THSD4: variants seen among roughly 807,000 people sequenced by gnomAD.
THSD4 encodes the protein thrombospondin type 1 domain containing 4.
A neutral mutation model predicts 119.0 loss-of-function variants in THSD4; 69 were observed. That is an observed-to-expected ratio of 0.58 (90% confidence interval 0.48 to 0.71). The LOEUF (loss-of-function observed/expected upper bound fraction) is 0.71, where lower values mean the gene tolerates loss of function less well. THSD4 is among the 30% of genes least tolerant of loss of function. The pLI, the probability that THSD4 is intolerant of heterozygous loss-of-function variation, is 0.00. For missense variants in THSD4, 1,393 were observed against 1,391.1 expected, an observed-to-expected ratio of 1.00 and a Z score of -0.02; for synonymous variants, 524 against 540.4, an observed-to-expected ratio of 0.97 and a Z score of 0.42.
At chr15:71,327,670 G>A (rs533698249) in intron 6 of THSD4, among the ~76,000 whole-genome samples, 10 of 151,518 alleles carry the variant, frequency 6.6e-5, no homozygotes, top group Admixed American at 3.3e-4. Flanking sequence ...ATTGTTTAAA[G>A]CACAATGCTG....
intron 6 of THSD4, among the ~76,000 whole-genome samples, chr15:71,365,510 A>G (rs1276732265): frequency 6.6e-6 from 1 of 152,150 alleles, no homozygotes; most frequent in African/African-American, 2.4e-5. Flanking sequence ...CATAAACAGC[A>G]CAATCTGCTG....
chr15:71,138,680 A>C (rs1596218541), intron 1 of THSD4, among the ~76,000 whole-genome samples: 1 of 150,296 alleles, frequency 6.7e-6, no homozygotes, highest in African/African-American at 2.5e-5. Flanking sequence ...ACTCCTACTC[A>C]CCCCTCAAGC....
At chr15:71,611,262 A>G (rs1007538973) in intron 7 of THSD4, among the ~76,000 whole-genome samples, 4 of 152,072 alleles carry the variant, frequency 2.6e-5, no homozygotes, top group Admixed American at 2.6e-4. Flanking sequence ...TGGGTTTCCT[A>G]GTGTTGCTAT....
At chr15:71,174,900 A>G (rs557254600) in intron 3 of THSD4, among the ~76,000 whole-genome samples, 2,594 of 151,292 alleles carry the variant, frequency 0.017, 41 homozygotes, top group South Asian at 0.049. Context: ...AAGGCAGGGT[A>G]TTCCAACAGA....
At chr15:71,364,726 C>T (rs986015282) in intron 6 of THSD4, among the ~76,000 whole-genome samples, 1 of 152,202 alleles carries the variant, frequency 6.6e-6, no homozygotes, top group Non-Finnish European at 1.5e-5. Flanking sequence ...TTGTCACCTA[C>T]TCTTCAAACA....
chr15:71,451,645 T>A (rs2047267401), intron 7 of THSD4, among the ~76,000 whole-genome samples: 1 of 152,142 alleles, frequency 6.6e-6, no homozygotes, highest in South Asian at 2.1e-4. Flanking sequence ...ATATTTTATT[T>A]TCTAGTCAGT....
At chr15:71,600,259 G>A (rs2049981743) in intron 7 of THSD4, among the ~76,000 whole-genome samples, 1 of 152,170 alleles carries the variant, frequency 6.6e-6, no homozygotes, top group Non-Finnish European at 1.5e-5. Context: ...TCTTTGAATG[G>A]TCAAATCTTA....
intron 3 of THSD4, among the ~76,000 whole-genome samples, chr15:71,170,642 T>C (rs2043349898): frequency 6.6e-6 from 1 of 152,192 alleles, no homozygotes; most frequent in African/African-American, 2.4e-5. Context: ...ATTCAAGATG[T>C]CTAGCATTTA....
intron 5 of THSD4, among the ~76,000 whole-genome samples, chr15:71,255,737 G>A (rs954692707): frequency 6.6e-6 from 1 of 152,180 alleles, no homozygotes; most frequent in African/African-American, 2.4e-5. Context: ...CTGGCTGTGT[G>A]ACTCCTCCAT....
intron 6 of THSD4, among the ~76,000 whole-genome samples, chr15:71,371,648 A>G (rs189854775): frequency 1.1e-3 from 165 of 152,272 alleles, no homozygotes; most frequent in African/African-American, 3.9e-3. Context: ...CAAGAGATCC[A>G]CTGTTAGTCT....
intron 4 of THSD4, among the ~76,000 whole-genome samples, chr15:71,222,547 C>T (rs528350146): frequency 7.9e-5 from 12 of 152,318 alleles, no homozygotes; most frequent in African/African-American, 2.6e-4. Flanking sequence ...GATATGAAAG[C>T]CTCAACTATG....
intron 7 of THSD4, among the ~76,000 whole-genome samples, chr15:71,648,268 A>G (rs2051012079): frequency 6.6e-6 from 1 of 152,170 alleles, no homozygotes; most frequent in Admixed American, 6.5e-5. Flanking sequence ...TCCAGCCGTA[A>G]CAGCTGTCAC....
Position 71,565,824 on chromosome 15 carries a change from A to G in THSD4, c.1153-94706A>G, listed in dbSNP as rs77941078. Among the ~76,000 whole-genome samples, 980 of 152,326 alleles carry G rather than the reference A, an allele frequency of 6.4e-3. 13 individuals are homozygous for G. Among genetic ancestry groups the G allele is most frequent in the African/African-American group, 0.02 (844 of 41,576 alleles). On this transcript the variant is annotated intron_variant, in intron 7 of 17. Coordinates refer to ENST00000261862, the MANE Select transcript of THSD4 (RefSeq NM_024817.3). ...GGGGGAAGCATCGTCTAATTTATTG[A>G]CAAGGGAAGAAAAGCAAGGGAATCA...
At chr15:71,388,651 T>G (rs1270860934) in intron 6 of THSD4, among the ~76,000 whole-genome samples, 4 of 139,542 alleles carry the variant, frequency 2.9e-5, no homozygotes, top group Non-Finnish European at 6.3e-5. Flanking sequence ...ATTGATTTGA[T>G]TCTTTGGAGA....
At chr15:71,235,562 T>C (rs1034917118) in intron 4 of THSD4, among the ~76,000 whole-genome samples, 1 of 150,818 alleles carries the variant, frequency 6.6e-6, no homozygotes, top group Non-Finnish European at 1.5e-5. Flanking sequence ...GGTAGCAAGA[T>C]GCAAGGAATG....
intron 7 of THSD4, among the ~76,000 whole-genome samples, chr15:71,607,808 T>A (rs2050137093): frequency 6.6e-6 from 1 of 152,118 alleles, no homozygotes; most frequent in Admixed American, 6.5e-5. Context: ...GAGCAAGAAG[T>A]GAGTAGAGTG....
At chr15:71,717,518 T>C (rs749909532) in intron 8 of THSD4, among the ~76,000 whole-genome samples, 2 of 148,502 alleles carry the variant, frequency 1.3e-5, no homozygotes, top group African/African-American at 5.0e-5. Flanking sequence ...TGCCACAGGC[T>C]AAAGAGTCTG....
intron 7 of THSD4, among the ~76,000 whole-genome samples, chr15:71,476,375 G>A (rs112579762): frequency 0.012 from 1,877 of 152,200 alleles, 24 homozygotes; most frequent in South Asian, 0.05. Context: ...GGGATTACTA[G>A]TAGCGGGAGG....
At chr15:71,463,690 G>A (rs563801598) in intron 7 of THSD4, among the ~76,000 whole-genome samples, 2 of 152,236 alleles carry the variant, frequency 1.3e-5, no homozygotes, top group Admixed American at 6.5e-5. Context: ...TCTATTGACC[G>A]ACCTCTTGTC....
Sources: gnomAD v4.1 joint callset for allele counts (sites outside exome capture counted in the v4.1 genomes callset) on GRCh38, gnomAD v4.1.1 for gene constraint, MANE v1.5 for transcripts, NCBI Gene and HGNC (gene_info 2026-07-23, HGNC 2026-07-21) for gene names.